The following KIF6 variants were observed in gnomAD, a reference collection of about 807,000 sequenced individuals.
KIF6 encodes kinesin family member 6.
A neutral mutation model predicts 112.7 loss-of-function variants in KIF6; 106 were observed. The observed-to-expected ratio is 0.94, with a 90% CI of 0.80 to 1.11. The LOEUF is 1.11. KIF6 is among the 50% of genes least tolerant of loss of function. The pLI is 0.00. For missense variants in KIF6, 929 were observed against 964.0 expected (o/e 0.96, Z 0.48); for synonymous variants, 339 against 339.9 (o/e 1.00, Z 0.03).
Position 39,390,555 on chromosome 6 carries a change from T to C in KIF6, c.1811-4883A>G, listed in dbSNP as rs140118447. ...ACAGGGGCGGCAAGGGAAGGTTGAG[T>C]GGAGGACTAGGGCTGGGGAAGACTA... On this transcript the variant is annotated intron_variant, in intron 15 of 22. Transcript: ENST00000287152. 8.7e-4 allele frequency among the ~76,000 whole-genome samples: 132 copies of C among 152,086 alleles called. 1 individual carries two copies. The highest frequency in any genetic ancestry group is 3.0e-3 in the African/African-American group (124 of 41,506).
chr6:39,483,754 C>T (rs947359467), intron 13 of KIF6, among the ~76,000 whole-genome samples: 6 of 152,076 alleles, frequency 3.9e-5, no homozygotes, highest in Non-Finnish European at 8.8e-5. Flanking sequence ...AGGATATCAG[C>T]CCTAAGAGAA....
intron 10 of KIF6, among the ~76,000 whole-genome samples, chr6:39,570,653 G>A (rs772185926): frequency 6.6e-6 from 1 of 151,940 alleles, no homozygotes; most frequent in Non-Finnish European, 1.5e-5. Flanking sequence ...CTGAATCATG[G>A]GGGTGTTTAC....
rs533207152 is a variant in KIF6, at chr6:39,343,488, C to A, written c.2428+221G>T. ...CCAAGAGGGACAGGAGCACCTGGGC[C>A]GCCCACCCACTTGGGCCTGTCTTGG... On this transcript the variant is annotated intron_variant, in intron 22 of 22. Transcript: ENST00000287152. The surrounding 1 kb of genome is among the most constrained non-coding windows in gnomAD (Gnocchi z 4.1). The A allele has an allele frequency of 6.7e-7, 1 of 1,489,282 alleles. No individual in the cohort carries two copies. The highest frequency in any genetic ancestry group is 1.4e-5 in the African/African-American group (1 of 71,970). The allele number at this position is 1,489,282 out of a possible 1,614,324, so 92.3% of individuals were successfully genotyped here.
chr6:39,679,966 C>G (rs1354568402), intron 3 of KIF6, among the ~76,000 whole-genome samples: 1 of 150,818 alleles, frequency 6.6e-6, no homozygotes, highest in Non-Finnish European at 1.5e-5. Context: ...AACAGTATAT[C>G]TTAAAAGTTC....
At chr6:39,517,295 T>C (rs1215550336) in intron 13 of KIF6, among the ~76,000 whole-genome samples, 6 of 152,056 alleles carry the variant, frequency 3.9e-5, no homozygotes, top group South Asian at 4.2e-4. Flanking sequence ...CACCATAAGG[T>C]TTTACTATTA....
intron 13 of KIF6, among the ~76,000 whole-genome samples, chr6:39,495,722 G>A (rs367750300): frequency 4.6e-5 from 7 of 152,220 alleles, no homozygotes; most frequent in Admixed American, 6.5e-5. Flanking sequence ...ACTTTTTTAC[G>A]GGGAGGATGT....
intron 13 of KIF6, among the ~76,000 whole-genome samples, chr6:39,533,285 G>A (rs780957503): frequency 4.7e-4 from 72 of 152,304 alleles, no homozygotes; most frequent in Admixed American, 2.5e-3. Context: ...GATGGCACCC[G>A]GAAAATCGGG....
Position 39,702,388 on chromosome 6 carries a change from C to T in KIF6, c.251+12304G>A, listed in dbSNP as rs80261021. Among the ~76,000 whole-genome samples the T allele has an allele frequency of 0.017, 2,647 of 152,238 alleles. 431 individuals carry two copies. In the East Asian group the frequency reaches 0.38, roughly 22 times the overall value. ...TTGCTGCCCTTGACTCAGATTCCTT[C>T]GGCCATGGCTGCAGACGACAGTGTC... is the stretch of plus-strand genomic sequence containing the variant. On this transcript the variant is annotated intron_variant, in intron 3 of 22. Transcript: ENST00000287152.
chr6:39,422,976 G>A (rs941747276), intron 14 of KIF6, among the ~76,000 whole-genome samples: 5 of 152,224 alleles, frequency 3.3e-5, no homozygotes, highest in Non-Finnish European at 5.9e-5. Flanking sequence ...GCTGCACCTT[G>A]AGGAGGGGCA....
chr6:39,666,947 T>A (rs1160222393), intron 3 of KIF6, among the ~76,000 whole-genome samples: 1 of 152,178 alleles, frequency 6.6e-6, no homozygotes, highest in Non-Finnish European at 1.5e-5. Flanking sequence ...CAATAATAAT[T>A]AGCTTTTAAA....
intron 10 of KIF6, among the ~76,000 whole-genome samples, chr6:39,570,485 T>A (rs1780583016): frequency 6.6e-6 from 1 of 152,152 alleles, no homozygotes; most frequent in Non-Finnish European, 1.5e-5. Flanking sequence ...AAGGATGAAT[T>A]CAGTTGGCAA....
chr6:39,335,362 C>T lies in KIF6; in HGVS notation c.*1170G>A, dbSNP rs1446700105. 2 of 152,062 alleles carry T rather than the reference C, an allele frequency of 1.3e-5. No homozygotes were observed. Among genetic ancestry groups the T allele is most frequent in the African/African-American group, 2.4e-5 (1 of 41,370 alleles). The allele number at this position is 152,062 out of a possible 1,614,324, so 9.4% of individuals were successfully genotyped here. On this transcript the variant is annotated 3_prime_UTR_variant, in exon 23 of 23. Transcript: ENST00000287152. Reference sequence around the variant, plus strand: ...AATAGGGGTGTGGATTAGAGGAGCTCGATGGGCCTGCCTAGCTTAGAAATG... The same window carrying T: ...AATAGGGGTGTGGATTAGAGGAGCTTGATGGGCCTGCCTAGCTTAGAAATG...
chr6:39,396,809 T>A (rs1768305459), intron 15 of KIF6, among the ~76,000 whole-genome samples: 1 of 152,192 alleles, frequency 6.6e-6, no homozygotes, highest in Admixed American at 6.5e-5. Context: ...TAATAAAAAG[T>A]AATGATTATG....
At chr6:39,462,603 A>C (rs1319121950) in intron 13 of KIF6, among the ~76,000 whole-genome samples, 1 of 152,128 alleles carries the variant, frequency 6.6e-6, no homozygotes, top group Non-Finnish European at 1.5e-5. Flanking sequence ...AGGAGGGTAG[A>C]GGTATTTACT....
At chr6:39,516,254 A>T (rs562358218) in intron 13 of KIF6, among the ~76,000 whole-genome samples, 1 of 151,936 alleles carries the variant, frequency 6.6e-6, no homozygotes, top group Non-Finnish European at 1.5e-5. Flanking sequence ...TTTATGAAAA[A>T]ATATCCAGAT....
intron 3 of KIF6, among the ~76,000 whole-genome samples, chr6:39,657,420 G>A (rs914308060): frequency 6.6e-6 from 1 of 152,040 alleles, no homozygotes; most frequent in African/African-American, 2.4e-5. Context: ...GTCATTGCCT[G>A]CACTCTTGGG....
chr6:39,385,630 A>C lies in KIF6; in HGVS notation c.1853T>G (p.Val618Gly). The change falls in exon 16 of 23, where the codon GTA (valine) becomes GGA (glycine). Residue 618 changes from valine to glycine, a missense_variant. Transcript: ENST00000287152. ...ATTCTCTTTGTACCTACCTAGGGCTACTTGCTGTATATGCCGCTGGGTGAT... is the reference window on the plus strand; with the variant it reads ...ATTCTCTTTGTACCTACCTAGGGCTCCTTGCTGTATATGCCGCTGGGTGAT... ...EEITQRHIQQ[V>G]ALGISENMAV... 1 of 1,613,462 alleles carries C rather than the reference A, an allele frequency of 6.2e-7. No individual in the cohort carries two copies. Among genetic ancestry groups the C allele is most frequent in the Non-Finnish European group, 8.5e-7 (1 of 1,179,430 alleles).
chr6:39,351,722 C>G (rs1764259656), intron 19 of KIF6, among the ~76,000 whole-genome samples: 1 of 152,112 alleles, frequency 6.6e-6, no homozygotes, highest in Admixed American at 6.5e-5. Flanking sequence ...GATATTGCTA[C>G]CAGTAGAAGC....
intron 13 of KIF6, among the ~76,000 whole-genome samples, chr6:39,500,987 G>C (rs1009927622): frequency 6.6e-6 from 1 of 152,194 alleles, no homozygotes; most frequent in Non-Finnish European, 1.5e-5. Context: ...GGAACTCATG[G>C]AGAGGAATGG....
Sources: allele counts gnomAD v4.1 joint callset (sites outside exome capture counted in the v4.1 genomes callset), GRCh38; gene constraint gnomAD v4.1.1; non-coding constraint Gnocchi (gnomAD v3.1); transcripts MANE v1.5; gene names NCBI Gene and HGNC (gene_info 2026-07-23, HGNC 2026-07-21).